USP42: variants seen among roughly 807,000 people sequenced by gnomAD.
USP42 encodes ubiquitin specific peptidase 42.
USP42 carries 23 observed loss-of-function variants against 113.0 expected under a neutral mutation model. The observed-to-expected ratio is 0.20, with a 90% CI of 0.15 to 0.29. The LOEUF (loss-of-function observed/expected upper bound fraction) is 0.29, where lower values mean the gene tolerates loss of function less well. USP42 is among the 10% of genes least tolerant of loss of function. The pLI, the probability that USP42 is intolerant of heterozygous loss-of-function variation, is 1.00. For missense variants in USP42, 2,174 were observed against 1,779.8 expected, an observed-to-expected ratio of 1.22 and a Z score of -3.99; for synonymous variants, 933 against 699.0, an observed-to-expected ratio of 1.33 and a Z score of -5.28.
At position 6,155,071 on chromosome 7, in the gene USP42, C is replaced by T. The variant is rs878940840; in HGVS notation, c.3517C>T (p.His1173Tyr). 6.4e-7 allele frequency: 1 copy of T among 1,563,392 alleles called. No individual in the cohort carries two copies. Among genetic ancestry groups the T allele is most frequent in the South Asian group, 1.2e-5 (1 of 84,578 alleles). The change falls in exon 15 of 18, where the codon CAT (histidine) becomes TAT (tyrosine). Residue 1173 changes from histidine to tyrosine, a missense_variant. His to Tyr is a moderately conservative substitution (Grantham distance 83, BLOSUM62 2). Coordinates refer to ENST00000306177, the MANE Select transcript of USP42 (RefSeq NM_032172.3). ...CGACAGTGTGGAGAACAGTGACAGT[C>T]ATGTTGAAAAGAAAGCCCGGAGGAG... The part of the protein sequence containing the change: ...RHDSVENSDS[H>Y]VEKKARRSEQ...
At chr7:6,136,108 G>A (rs60769115) in intron 4 of USP42, among the ~76,000 whole-genome samples, 157 bp downstream of exon 4, 6 of 149,588 alleles carry the variant, frequency 4.0e-5, no homozygotes, top group South Asian at 2.1e-4. Flanking sequence ...AGGTTCAAAC[G>A]ATTGTCCTGT....
Position 6,154,641 on chromosome 7 carries a change from G to T in USP42, c.3087G>T (p.Glu1029Asp). Residue 1029 changes from glutamate to aspartate, a missense_variant, in exon 15 of 18, where the codon GAG (glutamate) becomes GAT (aspartate). Glu to Asp is a conservative substitution (Grantham distance 45). Coordinates refer to ENST00000306177, the MANE Select transcript of USP42 (RefSeq NM_032172.3). The stretch of plus-strand genomic sequence containing the variant: ...ACTCCCGACACCGGAGCGGGGTGGA[G>T]CTGGACTGGGTCAGACACCACTACA... ...HHHSRHRSGV[E>D]LDWVRHHYTE... is the part of the protein sequence containing the mutation. The T allele has an allele frequency of 1.2e-6, 2 of 1,604,840 alleles. No homozygotes were observed. The highest frequency in any genetic ancestry group is 1.7e-6 in the Non-Finnish European group (2 of 1,176,806).
chr7:6,146,896 CCTGGCGTGGTCACA>C (rs1781746930), intron 11 of USP42, among the ~76,000 whole-genome samples: 1 of 152,210 alleles, frequency 6.6e-6, no homozygotes, highest in Non-Finnish European at 1.5e-5. Flanking sequence ...CCTCTGAGCA[CCTGGCGTGGTCACA>C]GCCAGCACCT....
intron 4 of USP42, among the ~76,000 whole-genome samples, chr7:6,136,255 C>T (rs550540567): frequency 6.6e-6 from 1 of 152,146 alleles, no homozygotes; most frequent in South Asian, 2.1e-4. Context: ...CCACCTGCCT[C>T]CGCCTCCCAA....
the USP42 span, among the ~76,000 whole-genome samples, chr7:6,092,028 TC>T: frequency 7.2e-5 from 8 of 111,454 alleles, no homozygotes; most frequent in African/African-American, 1.4e-4. Flanking sequence ...TTCTTCTTCT[TC>T]TTCTTCTTCT....
chr7:6,157,031 TGTC>T lies in USP42; in HGVS notation c.3923_3925del (p.Arg1308del). ...ACGGATGGAAAGCAGGGATGACAGG[TGTC>T]GTCTCTTTGAGTATGGCCAGGGTAA... On this transcript the variant is annotated inframe_deletion, in exon 16 of 18. Coordinates refer to ENST00000306177, the MANE Select transcript of USP42 (RefSeq NM_032172.3). The surrounding 1 kb of genome is among the most constrained non-coding windows in gnomAD (Gnocchi z 4.1). 1 of 1,609,866 alleles carries T rather than the reference TGTC, an allele frequency of 6.2e-7. No homozygotes were observed. The highest frequency in any genetic ancestry group is 8.5e-7 in the Non-Finnish European group (1 of 1,178,594).
At chr7:6,122,210 A>G (rs758513301) in intron 3 of USP42, among the ~76,000 whole-genome samples, 1 of 151,692 alleles carries the variant, frequency 6.6e-6, no homozygotes, top group African/African-American at 2.4e-5. Flanking sequence ...TGTAAGTGTC[A>G]AATGCTATAA....
chr7:6,104,907 G>T, upstream of USP42: 1 of 147,156 alleles, frequency 6.8e-6, no homozygotes, highest in South Asian at 1.8e-4. Context: ...GCGCGGCGCT[G>T]ACCCGGAGGC....
chr7:6,129,705 AC>A (rs537067425), intron 3 of USP42, among the ~76,000 whole-genome samples: 18 of 152,186 alleles, frequency 1.2e-4, no homozygotes, highest in Middle Eastern at 3.4e-3. Flanking sequence ...TACTAAAAAT[AC>A]AAAAATTAGC....
At chr7:6,087,272 C>A in the USP42 span, among the ~76,000 whole-genome samples, 1 of 149,826 alleles carries the variant, frequency 6.7e-6, no homozygotes, top group African/African-American at 2.5e-5. Flanking sequence ...CTCAGGTGAT[C>A]TGCCCGCCTT....
intron 4 of USP42, 43 bp downstream of exon 4, chr7:6,135,994 T>C (rs745789379): frequency 3.5e-6 from 4 of 1,151,632 alleles, no homozygotes; most frequent in Non-Finnish European, 4.8e-6. Flanking sequence ...ATTTATTACC[T>C]AGTTATACTT....
At chr7:6,086,059 A>T in the USP42 span, among the ~76,000 whole-genome samples, 1 of 148,248 alleles carries the variant, frequency 6.7e-6, no homozygotes, top group Non-Finnish European at 1.5e-5. Context: ...TTTTTTTGAG[A>T]CAGAATCTGA....
At chr7:6,096,364 G>A in the USP42 span, among the ~76,000 whole-genome samples, 3 of 151,146 alleles carry the variant, frequency 2.0e-5, no homozygotes, top group Non-Finnish European at 2.9e-5. Context: ...GGTTTTATGG[G>A]GTGATGGAGA....
intron 3 of USP42, among the ~76,000 whole-genome samples, chr7:6,120,225 G>C (rs920628409): frequency 2.0e-5 from 3 of 151,942 alleles, no homozygotes; most frequent in Non-Finnish European, 4.4e-5. Context: ...CGGCCTCTCA[G>C]AGTGTTGGGA....
chr7:6,132,738 C>A (rs563225077), intron 3 of USP42, among the ~76,000 whole-genome samples: 1 of 152,088 alleles, frequency 6.6e-6, no homozygotes, highest in Non-Finnish European at 1.5e-5. Context: ...GCGTCGAGAT[C>A]TCGGCTCACT....
chr7:6,091,187 T>A, the USP42 span, among the ~76,000 whole-genome samples: 1 of 151,060 alleles, frequency 6.6e-6, no homozygotes, highest in Non-Finnish European at 1.5e-5. Flanking sequence ...TACATAGAGA[T>A]TAACTAACTT....
intron 14 of USP42, among the ~76,000 whole-genome samples, chr7:6,152,045 A>C (rs1049566206): frequency 6.6e-6 from 1 of 152,178 alleles, no homozygotes; most frequent in Non-Finnish European, 1.5e-5. Context: ...AAAAAAAATC[A>C]TGTCATGTTA....
intron 3 of USP42, among the ~76,000 whole-genome samples, chr7:6,118,839 A>T (rs1396135924): frequency 6.6e-6 from 1 of 152,122 alleles, no homozygotes; most frequent in Non-Finnish European, 1.5e-5. Flanking sequence ...TATCAATACG[A>T]TCTATTTCTG....
chr7:6,147,918 T>C, intron 12 of USP42, 26 bp downstream of exon 12: 1 of 1,564,422 alleles, frequency 6.4e-7, no homozygotes, highest in Non-Finnish European at 8.7e-7. Flanking sequence ...GAGAAGAACA[T>C]TTTTATGTTA....
Sources: allele counts gnomAD v4.1 joint callset (sites outside exome capture counted in the v4.1 genomes callset), GRCh38; gene constraint gnomAD v4.1.1; non-coding constraint Gnocchi (gnomAD v3.1); transcripts MANE v1.5; gene names NCBI Gene and HGNC (gene_info 2026-07-23, HGNC 2026-07-21).